ALDH18A1: variants seen among roughly 807,000 people sequenced by gnomAD.
ALDH18A1 encodes aldehyde dehydrogenase 18 family member A1, also known as delta-1-pyrroline-5-carboxylate synthase.
In ALDH18A1, 44 loss-of-function variants were observed where a neutral mutation model predicts 88.8. The ratio of observed to expected loss-of-function variants is 0.50; its 90% CI spans 0.39 to 0.64. The LOEUF (loss-of-function observed/expected upper bound fraction) is 0.64. ALDH18A1 is among the 30% of genes least tolerant of loss of function. ALDH18A1 has a pLI of 0.00. For missense variants in ALDH18A1, 782 were observed against 1,009.5 expected (o/e 0.77, Z 3.05); for synonymous variants, 331 against 372.1 (o/e 0.89, Z 1.27).
rs202039720 is a variant in ALDH18A1, at chr10:95,615,491, ATG to A, written c.1605+984_1605+985del. 2.0e-3 allele frequency among the ~76,000 whole-genome samples: 304 copies of A among 152,134 alleles called. 1 individual carries two copies. The highest frequency in any genetic ancestry group is 6.8e-3 in the African/African-American group (283 of 41,502). On this transcript the variant is annotated intron_variant, in intron 13 of 17. Transcript: ENST00000371224. ...ATCTTGATACGGCTGGTGGTTATAC[ATG>A]TGTGTGTGTGAACAGTCGCAGAGTG... is the stretch of plus-strand genomic sequence containing the variant.
chr10:95,640,350 C>CTT (rs34630368), intron 3 of ALDH18A1, among the ~76,000 whole-genome samples: 5,039 of 146,870 alleles, frequency 0.034, 114 homozygotes, highest in Non-Finnish European at 0.05. Context: ...TCCCTTTTTT[C>CTT]TTTTTTTTTT....
chr10:95,619,568 T>C (rs2097849015), intron 12 of ALDH18A1, among the ~76,000 whole-genome samples: 2 of 152,278 alleles, frequency 1.3e-5, no homozygotes, highest in South Asian at 4.1e-4. Flanking sequence ...CAAAACAGCA[T>C]GGTACTGGTA....
chr10:95,623,175 G>C (rs1291650829), intron 11 of ALDH18A1, among the ~76,000 whole-genome samples: 1 of 151,968 alleles, frequency 6.6e-6, no homozygotes, highest in Admixed American at 6.6e-5. Flanking sequence ...TAAAAAAAAA[G>C]TTTTAATTAT....
At chr10:95,640,910 T>C (rs181953125) in intron 3 of ALDH18A1, among the ~76,000 whole-genome samples, 7 of 152,332 alleles carry the variant, frequency 4.6e-5, no homozygotes, top group East Asian at 3.9e-4. Context: ...ACTCACCTAG[T>C]TGGCTTCAGA....
chr10:95,641,534 G>T (rs1041271085), intron 3 of ALDH18A1, among the ~76,000 whole-genome samples: 1 of 150,656 alleles, frequency 6.6e-6, no homozygotes, highest in Non-Finnish European at 1.5e-5. Context: ...TGGGGGGGTG[G>T]TCAGGGTTTT....
chr10:95,617,846 C>T (rs2097846488), intron 12 of ALDH18A1, among the ~76,000 whole-genome samples: 1 of 152,020 alleles, frequency 6.6e-6, no homozygotes, highest in Non-Finnish European at 1.5e-5. Flanking sequence ...AGACTTAGGC[C>T]CATTTCTACT....
intron 12 of ALDH18A1, 55 bp downstream of exon 12, chr10:95,620,976 T>A: frequency 2.7e-6 from 4 of 1,467,158 alleles, no homozygotes; most frequent in Non-Finnish European, 3.8e-6. Context: ...CTTCCTCCAA[T>A]ATCCACACCA....
chr10:95,641,131 C>A lies in ALDH18A1; in HGVS notation c.303+1861G>T, dbSNP rs552617382. The stretch of plus-strand genomic sequence containing the variant: ...GCACCTCACACTGTGTACTTAGTAG[C>A]ATGGAACTTTTCCCCTCTGTTTGTG... On this transcript the variant is annotated intron_variant, in intron 3 of 17. Coordinates refer to ENST00000371224, the MANE Select transcript of ALDH18A1 (RefSeq NM_002860.4). 3.3e-5 allele frequency among the ~76,000 whole-genome samples: 5 copies of A among 152,218 alleles called. No homozygotes were observed. In the South Asian group the frequency reaches 1.0e-3, roughly 32 times the overall value.
chr10:95,653,630 A>G (rs2097913746), intron 1 of ALDH18A1, among the ~76,000 whole-genome samples: 1 of 152,182 alleles, frequency 6.6e-6, no homozygotes, highest in Non-Finnish European at 1.5e-5. Context: ...GCAAATAATA[A>G]TGCAGAGTTA....
chr10:95,626,376 T>A (rs1385482654), intron 10 of ALDH18A1, among the ~76,000 whole-genome samples: 2 of 152,146 alleles, frequency 1.3e-5, no homozygotes, highest in African/African-American at 4.8e-5. Flanking sequence ...GGATTTGGAA[T>A]GGGGTGGGAT....
At chr10:95,623,173 A>C (rs993317733) in intron 11 of ALDH18A1, among the ~76,000 whole-genome samples, 1 of 152,236 alleles carries the variant, frequency 6.6e-6, no homozygotes, top group Non-Finnish European at 1.5e-5. Context: ...GCTAAAAAAA[A>C]AGTTTTAATT....
chr10:95,635,078 T>G (rs2097878050), intron 5 of ALDH18A1, among the ~76,000 whole-genome samples: 1 of 152,146 alleles, frequency 6.6e-6, no homozygotes, highest in South Asian at 2.1e-4. Flanking sequence ...GATAAAAAAT[T>G]TGTTGAGTAC....
rs374652686 is a variant in ALDH18A1, at chr10:95,621,016, G to C, written c.1467+15C>G. The C allele has an allele frequency of 6.2e-7, 1 of 1,611,378 alleles. No individual in the cohort carries two copies. Among genetic ancestry groups the C allele is most frequent in the Admixed American group, 1.7e-5 (1 of 59,966 alleles). On this transcript the variant is annotated intron_variant, in intron 12 of 17. Coordinates refer to ENST00000371224, the MANE Select transcript of ALDH18A1 (RefSeq NM_002860.4). ...CCAATGGCAGGGTATTTATTCTCCCGGGGTATATACACACCTGGGGTAGAC... is the reference window on the plus strand; with the variant it reads ...CCAATGGCAGGGTATTTATTCTCCCCGGGTATATACACACCTGGGGTAGAC...
intron 7 of ALDH18A1, among the ~76,000 whole-genome samples, chr10:95,631,773 A>G (rs1286661964): frequency 6.6e-6 from 1 of 151,430 alleles, no homozygotes; most frequent in Non-Finnish European, 1.5e-5. Flanking sequence ...AAACAACTGA[A>G]TAACAGCAAT....
chr10:95,627,874 G>GC (rs2097862666), intron 8 of ALDH18A1, among the ~76,000 whole-genome samples: 1 of 152,172 alleles, frequency 6.6e-6, no homozygotes, highest in South Asian at 2.1e-4. Context: ...GATTTACTGT[G>GC]CCTCAACTTA....
intron 17 of ALDH18A1, among the ~76,000 whole-genome samples, chr10:95,607,524 G>T (rs1233469949): frequency 1.3e-5 from 2 of 149,772 alleles, no homozygotes; most frequent in African/African-American, 4.9e-5. Flanking sequence ...TACAGTGGAG[G>T]CAGGGTTCCC....
chr10:95,644,964 G>A (rs1356671611), intron 2 of ALDH18A1, among the ~76,000 whole-genome samples: 1 of 152,208 alleles, frequency 6.6e-6, no homozygotes, highest in Non-Finnish European at 1.5e-5. Flanking sequence ...GGGCTGCTAG[G>A]CTTCCTTCAG....
intron 3 of ALDH18A1, among the ~76,000 whole-genome samples, chr10:95,638,362 C>A (rs1298731118): frequency 1.3e-5 from 2 of 152,130 alleles, no homozygotes; most frequent in Non-Finnish European, 2.9e-5. Flanking sequence ...TGGTGTGTAG[C>A]CAAGTTTGAC....
intron 2 of ALDH18A1, among the ~76,000 whole-genome samples, chr10:95,649,818 C>T (rs1740296363): frequency 6.6e-6 from 1 of 151,732 alleles, no homozygotes; most frequent in African/African-American, 2.4e-5. Flanking sequence ...GACGTTGAGG[C>T]TGCAGTGAGT....
Sources: gnomAD v4.1 joint callset for allele counts (sites outside exome capture counted in the v4.1 genomes callset) on GRCh38, gnomAD v4.1.1 for gene constraint, MANE v1.5 for transcripts, NCBI Gene and HGNC (gene_info 2026-07-23, HGNC 2026-07-21) for gene names.